HESX1: variants seen among roughly 807,000 people sequenced by gnomAD.
The protein encoded by HESX1 is HESX homeobox 1.
Under a neutral mutation model 22.5 loss-of-function variants are expected in HESX1, and 11 were observed. That is an observed-to-expected ratio of 0.49 (90% confidence interval 0.31 to 0.81). HESX1 has a LOEUF of 0.81. Ranked by LOEUF, HESX1 falls within the 30% of genes least tolerant of loss-of-function variation. The pLI, the probability that HESX1 is intolerant of heterozygous loss-of-function variation, is 0.05. For synonymous variants in HESX1, 74 were observed against 76.5 expected, an observed-to-expected ratio of 0.97 and a Z score of 0.17; for missense variants, 201 against 212.6, an observed-to-expected ratio of 0.95 and a Z score of 0.34.
At chr3:57,209,149 A>T (rs933283553) in intron 1 of HESX1, among the ~76,000 whole-genome samples, 3 of 152,206 alleles carry the variant, frequency 2.0e-5, no homozygotes, top group Admixed American at 1.3e-4. Context: ...CACTAGCTAC[A>T]TGTGGCTAAT....
At chr3:57,208,067 ATTGTT>A (rs1559499765) in intron 1 of HESX1, among the ~76,000 whole-genome samples, 1 of 151,982 alleles carries the variant, frequency 6.6e-6, no homozygotes, top group Non-Finnish European at 1.5e-5. Context: ...TATTAAAGTG[ATTGTT>A]TTGTTTGTTT....
intron 1 of HESX1, among the ~76,000 whole-genome samples, chr3:57,205,589 CCCT>C (rs1187951201): frequency 6.6e-6 from 1 of 152,198 alleles, no homozygotes; most frequent in Non-Finnish European, 1.5e-5. Flanking sequence ...GCACAGTCTT[CCCT>C]CAAGGCATTT....
chr3:57,211,527 C>CAAAAAAAG (rs2060553658), intron 1 of HESX1, among the ~76,000 whole-genome samples: 3 of 31,982 alleles, frequency 9.4e-5, no homozygotes. Flanking sequence ...GAGACCTTGT[C>CAAAAAAAG]AAAAAAAAAA....
At position 57,211,698 on chromosome 3, in the gene HESX1, T is replaced by C. The variant is rs187407450; in HGVS notation, c.-110-11670A>G. ...AAATACAAAAATTAGCCGGACGTAG[T>C]GGCAAGCACCTATAATCCTAGCTAC... is the stretch of plus-strand genomic sequence containing the variant. On this transcript the variant is annotated intron_variant, in intron 1 of 2. Coordinates refer to the HESX1 transcript ENST00000495160. Among the ~76,000 whole-genome samples the C allele has an allele frequency of 1.9e-3, 290 of 151,996 alleles. 7 individuals carry two copies. The highest frequency in any genetic ancestry group is 0.016 in the Admixed American group (251 of 15,246).
At chr3:57,219,871 T>C (rs2060605062) in intron 1 of HESX1, among the ~76,000 whole-genome samples, 1 of 152,252 alleles carries the variant, frequency 6.6e-6, no homozygotes, top group African/African-American at 2.4e-5. Flanking sequence ...ATTTTTGCTT[T>C]TGTTGCAATT....
At chr3:57,206,066 C>T (rs1162282105) in intron 1 of HESX1, among the ~76,000 whole-genome samples, 1 of 152,142 alleles carries the variant, frequency 6.6e-6, no homozygotes, top group Non-Finnish European at 1.5e-5. Flanking sequence ...TGGCACGTGC[C>T]TGTAATCCCA....
At chr3:57,198,709 T>A in intron 2 of HESX1, 44 bp downstream of exon 2, 1 of 1,568,958 alleles carries the variant, frequency 6.4e-7, no homozygotes, top group Non-Finnish European at 8.8e-7. Context: ...TTGGTGTCAA[T>A]TAAAGCCTTT....
intron 1 of HESX1, among the ~76,000 whole-genome samples, chr3:57,205,916 C>T (rs559495770): frequency 2.0e-5 from 3 of 152,202 alleles, no homozygotes; most frequent in East Asian, 1.9e-4. Flanking sequence ...TTGGGCTAGG[C>T]GCAGTGGCTC....
At chr3:57,227,556 G>T (rs895683570), upstream of HESX1, among the ~76,000 whole-genome samples, 3 of 152,210 alleles carry the variant, frequency 2.0e-5, no homozygotes, top group African/African-American at 7.2e-5. Flanking sequence ...TGCAGGGAAG[G>T]CCATCCCAGG....
At position 57,198,238 on chromosome 3, in the gene HESX1, G is replaced by A. The variant is rs760501622; in HGVS notation, c.517C>T (p.Leu173=). ...LKRSHRESQF[L]MAKKNFNTNL... is the part of the protein sequence containing the mutation. ...GTGTTGAAATTTTTTTTCGCCATTA[G>A]AAACTGTGATTCTCTATGGGACCTT... The change falls in exon 4 of 4, where the codon CTA becomes TTA. Residue 173 remains leucine (L), a synonymous_variant. Transcript: ENST00000295934. 6.2e-7 allele frequency: 1 copy of A among 1,612,736 alleles called. No homozygotes were observed. Among genetic ancestry groups the A allele is most frequent in the African/African-American group, 1.3e-5 (1 of 74,826 alleles).
At chr3:57,203,934 G>C (rs1051364342), upstream of HESX1, among the ~76,000 whole-genome samples, 2 of 152,126 alleles carry the variant, frequency 1.3e-5, no homozygotes, top group African/African-American at 4.8e-5. Context: ...TCCTCCCAAA[G>C]TGCTGGAATT....
At chr3:57,225,102 G>T (rs72875873) in intron 1 of HESX1, among the ~76,000 whole-genome samples, 10,907 of 152,176 alleles carry the variant, frequency 0.072, 1,307 homozygotes, top group African/African-American at 0.25. Flanking sequence ...TGCACAAAAC[G>T]TAGGCTGAAT....
intron 1 of HESX1, among the ~76,000 whole-genome samples, chr3:57,220,097 T>C (rs565306194): frequency 6.6e-6 from 1 of 152,144 alleles, no homozygotes; most frequent in Admixed American, 6.5e-5. Context: ...AAACAGGGAG[T>C]CCTTTCCCTA....
At chr3:57,201,939 GAC>G (rs1447791913), upstream of HESX1, among the ~76,000 whole-genome samples, 1 of 142,688 alleles carries the variant, frequency 7.0e-6, no homozygotes, top group African/African-American at 2.6e-5. Context: ...ATTTTTTTGA[GAC>G]AGAGTCTTGC....
chr3:57,201,061 G>A (rs1027322135), upstream of HESX1, among the ~76,000 whole-genome samples: 1 of 152,128 alleles, frequency 6.6e-6, no homozygotes, highest in African/African-American at 2.4e-5. Flanking sequence ...TAAGTGCTTA[G>A]CTTTATTCAT....
chr3:57,211,128 G>C (rs1288572356), intron 1 of HESX1, among the ~76,000 whole-genome samples: 1 of 150,088 alleles, frequency 6.7e-6, no homozygotes, highest in Non-Finnish European at 1.5e-5. Flanking sequence ...TGAGGCAGGC[G>C]AATCGCTTGA....
chr3:57,203,890 C>T (rs543146133), upstream of HESX1, among the ~76,000 whole-genome samples: 157 of 152,032 alleles, frequency 1.0e-3, no homozygotes, highest in African/African-American at 3.5e-3. Flanking sequence ...AGGCTGGTCT[C>T]AAACTCCTGA....
chr3:57,207,157 C>G (rs1245694820), intron 1 of HESX1, among the ~76,000 whole-genome samples: 1 of 152,124 alleles, frequency 6.6e-6, no homozygotes, highest in Non-Finnish European at 1.5e-5. Flanking sequence ...CCATGTTGGC[C>G]AGGCTGGTCT....
intron 1 of HESX1, 144 bp from the exon 2 acceptor site, chr3:57,199,096 C>T: frequency 1.4e-6 from 1 of 727,748 alleles, no homozygotes; most frequent in Non-Finnish European, 2.3e-6. Flanking sequence ...TAACCAAAAA[C>T]CAATAAAAAA....
Sources: gnomAD v4.1 joint callset for allele counts (sites outside exome capture counted in the v4.1 genomes callset) on GRCh38, gnomAD v4.1.1 for gene constraint, MANE v1.5 for transcripts, NCBI Gene and HGNC (gene_info 2026-07-23, HGNC 2026-07-21) for gene names.